The following KCNMA1 variants were observed in gnomAD, a reference collection of about 807,000 sequenced individuals.
KCNMA1 encodes Calcium-activated potassium channel subunit alpha-1.
KCNMA1 carries 29 observed loss-of-function variants against 140.0 expected under a neutral mutation model. The observed-to-expected ratio is 0.21, with a 90% CI of 0.15 to 0.28. The LOEUF is 0.28. Among genes scored for constraint, KCNMA1 ranks in the 10% least tolerant of loss-of-function variants. The pLI is 1.00. For missense variants in KCNMA1, 880 were observed against 1,602.2 expected (o/e 0.55, Z 7.70); for synonymous variants, 612 against 611.9 (o/e 1.00, Z 0.00).
At chr10:77,197,880 A>G (rs1403842782) in intron 3 of KCNMA1, among the ~76,000 whole-genome samples, 7 of 152,316 alleles carry the variant, frequency 4.6e-5, no homozygotes, top group African/African-American at 1.7e-4. Context: ...AGACACAGGC[A>G]GAAAAATGTT....
intron 2 of KCNMA1, among the ~76,000 whole-genome samples, chr10:77,273,499 A>T (rs1643647901): frequency 6.6e-6 from 1 of 152,264 alleles, no homozygotes; most frequent in Middle Eastern, 3.2e-3. Context: ...AGAAACACAG[A>T]TAAAAAATTT....
chr10:77,241,885 C>T (rs536430), intron 3 of KCNMA1, among the ~76,000 whole-genome samples: 51,215 of 151,960 alleles, frequency 0.34, 9,050 homozygotes, highest in East Asian at 0.56. Context: ...CCAATGCAGC[C>T]GCAAAATATA....
chr10:77,538,739 C>T (rs1369188621), intron 1 of KCNMA1, among the ~76,000 whole-genome samples: 3 of 152,068 alleles, frequency 2.0e-5, no homozygotes, highest in Non-Finnish European at 4.4e-5. Flanking sequence ...CTCCTTAAAA[C>T]CTAAGGATAT....
At chr10:77,346,381 A>G (rs977628096) in intron 2 of KCNMA1, among the ~76,000 whole-genome samples, 1 of 152,104 alleles carries the variant, frequency 6.6e-6, no homozygotes, top group African/African-American at 2.4e-5. Context: ...TTGCCCTCTC[A>G]CTGGCCTTCC....
In KCNMA1 at chr10:77,159,793, T is replaced by C. The variant is rs202146744; in HGVS notation, c.808+23628A>G. Among the ~76,000 whole-genome samples the C allele has an allele frequency of 1.5e-4, 23 of 152,228 alleles. No individual in the cohort carries two copies. The Middle Eastern group carries it at 0.017, about 113-fold the overall frequency. The stretch of plus-strand genomic sequence containing the variant: ...TTTTCTGCCTGTTCCCCCAGCACTC[T>C]CCTGCCATATTCAATGCAACACACT... On this transcript the variant is annotated intron_variant, in intron 5 of 27. Transcript: ENST00000286628.
intron 2 of KCNMA1, among the ~76,000 whole-genome samples, chr10:77,375,648 A>T (rs1423488336): frequency 6.6e-6 from 1 of 152,198 alleles, no homozygotes; most frequent in Non-Finnish European, 1.5e-5. Context: ...AAATCCTGTG[A>T]CAGGCACAGA....
chr10:77,121,193 T>C lies in KCNMA1; in HGVS notation c.809-145A>G, dbSNP rs2097583474. ...AAACCAGCTGGTACCTCAGACATAT[T>C]CCTTCATTCTGATTCTTGACTGGTT... is the stretch of plus-strand genomic sequence containing the variant. On this transcript the variant is annotated intron_variant, in intron 5 of 27. Coordinates refer to ENST00000286628, the MANE Select transcript of KCNMA1 (RefSeq NM_001161352.2). The C allele has an allele frequency of 2.7e-5, 18 of 678,248 alleles. 1 individual carries two copies. The highest frequency in any genetic ancestry group is 2.4e-4 in the South Asian group (15 of 62,508). The allele number at this position is 678,248 out of a possible 1,614,324, so 42.0% of individuals were successfully genotyped here.
rs763787979 is a variant in KCNMA1 at position 77,404,016 on chromosome 10, T to C, written c.386A>G (p.Gln129Arg). The change falls in exon 2 of 28, where the codon CAG becomes CGG. Residue 129 changes from glutamine to arginine, a missense_variant. Transcript: ENST00000286628. Reference sequence around the variant, plus strand: ...CTGGCTTGAGCCATTGTTAATCTTCTGGGCCTCCTGGCAACAGAGAGAGCA... The same window carrying C: ...CTGGCTTGAGCCATTGTTAATCTTCCGGGCCTCCTGGCAACAGAGAGAGCA... ...CHCGGKTKEA[Q>R]KINNGSSQAD... 6.2e-7 allele frequency: 1 copy of C among 1,614,116 alleles called. No individual in the cohort carries two copies. Among genetic ancestry groups the C allele is most frequent in the Admixed American group, 1.7e-5 (1 of 60,026 alleles).
downstream of KCNMA1, among the ~76,000 whole-genome samples, chr10:76,881,364 C>T (rs2034598444): frequency 6.6e-6 from 1 of 152,158 alleles, no homozygotes. Context: ...TAAATGAAGC[C>T]AGTACCCTTG....
At chr10:77,492,147 C>T (rs1351680832) in intron 1 of KCNMA1, among the ~76,000 whole-genome samples, 1 of 152,234 alleles carries the variant, frequency 6.6e-6, no homozygotes, top group East Asian at 1.9e-4. Context: ...CGACAGAGTG[C>T]AGGTGAAAAT....
At chr10:76,941,257 C>G (rs546339323) in intron 23 of KCNMA1, among the ~76,000 whole-genome samples, 43 of 151,890 alleles carry the variant, frequency 2.8e-4, no homozygotes, top group African/African-American at 9.6e-4. Context: ...CTTTTTGTTC[C>G]CCATAATCCC....
At chr10:77,365,329 A>G (rs2094276981) in intron 2 of KCNMA1, among the ~76,000 whole-genome samples, 1 of 152,194 alleles carries the variant, frequency 6.6e-6, no homozygotes, top group Non-Finnish European at 1.5e-5. Flanking sequence ...TCCACTCCCA[A>G]GCCTTCAGCA....
chr10:76,876,085 T>A (rs2032331457), downstream of KCNMA1: 1 of 152,590 alleles, frequency 6.6e-6, no homozygotes, highest in African/African-American at 2.4e-5. Flanking sequence ...AGGTGGAAGC[T>A]CATTTTGCCT....
intron 1 of KCNMA1, among the ~76,000 whole-genome samples, chr10:77,581,202 C>T (rs1277468387): frequency 6.6e-6 from 1 of 152,198 alleles, no homozygotes; most frequent in African/African-American, 2.4e-5. Flanking sequence ...CAGCACCTGC[C>T]TGCCATCCAT....
intron 1 of KCNMA1, among the ~76,000 whole-genome samples, chr10:77,576,562 A>C (rs957860497): frequency 6.6e-6 from 1 of 152,174 alleles, no homozygotes; most frequent in Non-Finnish European, 1.5e-5. Context: ...CTAAGTGTCC[A>C]CCACATGCTG....
chr10:77,141,293 A>T (rs1206773729), intron 5 of KCNMA1, among the ~76,000 whole-genome samples: 2 of 151,886 alleles, frequency 1.3e-5, no homozygotes, highest in Non-Finnish European at 2.9e-5. Flanking sequence ...TCTCTGTTAC[A>T]GGCTACATTA....
At chr10:77,344,165 T>A (rs1448442336) in intron 2 of KCNMA1, among the ~76,000 whole-genome samples, 1 of 152,172 alleles carries the variant, frequency 6.6e-6, no homozygotes, top group Non-Finnish European at 1.5e-5. Context: ...ACTGGAATAT[T>A]CATAAGCCTA....
chr10:77,320,714 G>A (rs540764287), intron 2 of KCNMA1, among the ~76,000 whole-genome samples: 1 of 152,256 alleles, frequency 6.6e-6, no homozygotes, highest in Admixed American at 6.5e-5. Flanking sequence ...AATATGATAT[G>A]ATGTAACTCT....
At chr10:77,455,948 T>C (rs2097756582) in intron 1 of KCNMA1, among the ~76,000 whole-genome samples, 1 of 152,228 alleles carries the variant, frequency 6.6e-6, no homozygotes, top group African/African-American at 2.4e-5. Context: ...CCCATGCTCT[T>C]TGATCTCAGG....
Sources: allele counts gnomAD v4.1 joint callset (sites outside exome capture counted in the v4.1 genomes callset), GRCh38; gene constraint gnomAD v4.1.1; transcripts MANE v1.5; gene names NCBI Gene and HGNC (gene_info 2026-07-23, HGNC 2026-07-21).